Variants in HEXB observed in about 807,000 individuals in gnomAD.
The protein encoded by HEXB is beta-hexosaminidase subunit beta.
In HEXB, 51 loss-of-function variants were observed where a neutral mutation model predicts 71.2. The observed-to-expected ratio is 0.72, with a 90% CI of 0.57 to 0.90. The LOEUF is 0.90. Ranked by LOEUF, HEXB falls within the 40% of genes least tolerant of loss-of-function variation. HEXB has a pLI of 0.00. For synonymous variants in HEXB, 266 were observed against 249.3 expected, an observed-to-expected ratio of 1.07 and a Z score of -0.63; for missense variants, 617 against 677.0, an observed-to-expected ratio of 0.91 and a Z score of 0.98.
chr5:74,662,901 T>G (rs972249880), intron 1 of HEXB, among the ~76,000 whole-genome samples: 2 of 152,198 alleles, frequency 1.3e-5, no homozygotes, highest in Admixed American at 6.5e-5. Flanking sequence ...TCCCCAAGGC[T>G]AAACAATTAC....
chr5:74,702,743 A>C (rs1749293315), intron 5 of HEXB, among the ~76,000 whole-genome samples: 1 of 152,234 alleles, frequency 6.6e-6, no homozygotes, highest in Admixed American at 6.5e-5. Context: ...TAGCATCCAC[A>C]GATGATTCTT....
intron 6 of HEXB, among the ~76,000 whole-genome samples, chr5:74,710,341 G>T (rs372784118): frequency 0.15 from 22,781 of 150,586 alleles, 1,978 homozygotes; most frequent in African/African-American, 0.24. Flanking sequence ...ATACTGAATG[G>T]GCAAAAACTA....
At chr5:74,666,865 G>C (rs1434756279) in intron 1 of HEXB, among the ~76,000 whole-genome samples, 1 of 152,152 alleles carries the variant, frequency 6.6e-6, no homozygotes, top group African/African-American at 2.4e-5. Flanking sequence ...ATAGGGAAAA[G>C]CTCTCAGAAC....
chr5:74,693,420 T>C, intron 2 of HEXB: 1 of 598,580 alleles, frequency 1.7e-6, no homozygotes, highest in Non-Finnish European at 3.0e-6. Flanking sequence ...CAGGTTGAAG[T>C]GTGCGGAGGA....
intron 1 of HEXB, among the ~76,000 whole-genome samples, chr5:74,651,402 G>A (rs1748107811): frequency 6.6e-6 from 1 of 152,142 alleles, no homozygotes; most frequent in African/African-American, 2.4e-5. Context: ...GCTCTTCCTA[G>A]TACCTCACAA....
intron 3 of HEXB, among the ~76,000 whole-genome samples, chr5:74,694,535 C>T (rs1330208839): frequency 6.6e-6 from 1 of 152,110 alleles, no homozygotes. Context: ...AAAGTTTGAC[C>T]TCAGGACATT....
chr5:74,672,226 G>T (rs902528998), intron 1 of HEXB, among the ~76,000 whole-genome samples: 10 of 152,230 alleles, frequency 6.6e-5, no homozygotes, highest in African/African-American at 2.4e-4. Flanking sequence ...GCCCTTCAGG[G>T]AATGTACTCC....
At position 74,664,448 on chromosome 5, in the gene HEXB, A is replaced by AAAAAAAAAAAAAC. The variant is rs756960235; in HGVS notation, c.-377+23895_-377+23896insAAAAAAACAAAAA. 5.4e-3 allele frequency among the ~76,000 whole-genome samples: 686 copies of AAAAAAAAAAAAAC among 126,424 alleles called. 36 individuals carry two copies. Among genetic ancestry groups the AAAAAAAAAAAAAC allele is most frequent in the Non-Finnish European group, 7.8e-3 (471 of 60,182 alleles). The allele number at this position is 126,424 out of a possible 152,430, so 82.9% of individuals were successfully genotyped here. ...CTATCTCTAAAAAAAAAAAAAAAAAAAAAAACAGAGAGAGAGAGAATACTG... is the reference window on the plus strand; with the variant it reads ...CTATCTCTAAAAAAAAAAAAAAAAAAAAAAAAAAAAAACAAAAACAGAGAGAGAGAGAATACTG... On this transcript the variant is annotated intron_variant, in intron 1 of 13. Transcript: ENST00000511181.
At chr5:74,649,035 C>G (rs778189235) in intron 1 of HEXB, among the ~76,000 whole-genome samples, 2 of 152,150 alleles carry the variant, frequency 1.3e-5, no homozygotes, top group Non-Finnish European at 2.9e-5. Flanking sequence ...TATTCAAAAC[C>G]AACCCTACCG....
intron 5 of HEXB, among the ~76,000 whole-genome samples, chr5:74,698,141 G>A (rs1227779631): frequency 5.9e-5 from 9 of 151,548 alleles, no homozygotes; most frequent in Admixed American, 1.3e-4. Context: ...GCAATGGCGC[G>A]ATCTCGGCTC....
chr5:74,709,969 G>A (rs961529024), intron 6 of HEXB, among the ~76,000 whole-genome samples: 4 of 151,048 alleles, frequency 2.6e-5, no homozygotes, highest in African/African-American at 7.4e-5. Flanking sequence ...CCAAAGCCGG[G>A]CAGAGACACA....
At position 74,667,902 on chromosome 5, in the gene HEXB, A is replaced by T. The variant is rs554197624; in HGVS notation, c.-376-21426A>T. ...GGGTCCTCAAATACTAGCCGCCATC[A>T]CCCCATCACACTGTCTATAATAGAT... On this transcript the variant is annotated intron_variant, in intron 1 of 13. Transcript: ENST00000511181. Among the ~76,000 whole-genome samples, 8 of 152,288 alleles carry T rather than the reference A, an allele frequency of 5.3e-5. 1 individual carries two copies. In the South Asian group the frequency reaches 1.7e-3, roughly 32 times the overall value.
At chr5:74,694,107 C>T (rs1037378604) in intron 3 of HEXB, among the ~76,000 whole-genome samples, 4 of 152,100 alleles carry the variant, frequency 2.6e-5, no homozygotes, top group Non-Finnish European at 1.5e-5. Context: ...TGCAGCGAGC[C>T]TAGATCACAC....
chr5:74,699,938 A>C (rs1394681834), intron 5 of HEXB, among the ~76,000 whole-genome samples: 1 of 49,140 alleles, frequency 2.0e-5, no homozygotes, highest in Non-Finnish European at 4.5e-5. Flanking sequence ...CTTTTTAGTG[A>C]ATATAAGCCT....
chr5:74,721,207 G>C lies in HEXB; in HGVS notation c.*32G>C, dbSNP rs773378748. ...GAGGGGAAAAAGGCCACAGCAATCT[G>C]TACTACAATCAACTTTATTTTGAAA... On this transcript the variant is annotated 3_prime_UTR_variant, in exon 14 of 14. Transcript: ENST00000261416. The C allele has an allele frequency of 2.0e-6, 3 of 1,488,976 alleles. No homozygotes were observed. The highest frequency in any genetic ancestry group is 1.1e-5 in the South Asian group (1 of 88,450). The allele number at this position is 1,488,976 out of a possible 1,614,324, so 92.2% of individuals were successfully genotyped here. A position where few individuals can be genotyped will look rare whatever the true frequency, so the allele number is the denominator to read the frequency against.
chr5:74,656,178 G>A (rs1230528816), intron 1 of HEXB, among the ~76,000 whole-genome samples: 1 of 152,108 alleles, frequency 6.6e-6, no homozygotes, highest in Non-Finnish European at 1.5e-5. Flanking sequence ...CTTGGAGGCC[G>A]GGCACAGTGG....
intron 10 of HEXB, 111 bp from the exon 11 acceptor site, chr5:74,718,686 T>C (rs1053719602): frequency 6.2e-6 from 7 of 1,127,522 alleles, no homozygotes; most frequent in Middle Eastern, 5.0e-4. Flanking sequence ...AAATGCAGAT[T>C]TTTTTTAAGG....
At chr5:74,674,354 G>C (rs569690002) in intron 1 of HEXB, among the ~76,000 whole-genome samples, 1 of 151,860 alleles carries the variant, frequency 6.6e-6, no homozygotes, top group Non-Finnish European at 1.5e-5. Flanking sequence ...CTGTAATCCC[G>C]GCACTTTGGG....
intron 1 of HEXB, among the ~76,000 whole-genome samples, chr5:74,648,441 C>A (rs1748041023): frequency 6.6e-6 from 1 of 152,206 alleles, no homozygotes; most frequent in Admixed American, 6.5e-5. Flanking sequence ...AAGGTGCAGT[C>A]CCCTGACACC....
Sources: allele counts gnomAD v4.1 joint callset (sites outside exome capture counted in the v4.1 genomes callset), GRCh38; gene constraint gnomAD v4.1.1; transcripts MANE v1.5; gene names NCBI Gene and HGNC (gene_info 2026-07-23, HGNC 2026-07-21).